Variants in TFR2 observed in about 807,000 individuals in gnomAD.
TFR2 encodes transferrin receptor protein 2.
In TFR2, 64 loss-of-function variants were observed where a neutral mutation model predicts 91.9. The ratio of observed to expected loss-of-function variants is 0.70; its 90% CI spans 0.57 to 0.86. TFR2 has a LOEUF of 0.86. TFR2 is among the 40% of genes least tolerant of loss of function. The pLI, the probability that TFR2 is intolerant of heterozygous loss-of-function variation, is 0.00. For missense variants in TFR2, 950 were observed against 1,080.5 expected (o/e 0.88, Z 1.69); for synonymous variants, 454 against 459.6 (o/e 0.99, Z 0.15).
rs1387160363 is a variant in TFR2 at position 100,631,927 on chromosome 7, C to T, written c.985G>A (p.Asp329Asn). Residue 329 changes from aspartate to asparagine, a missense_variant, in exon 8 of 18, where the codon GAC becomes AAC. Asp to Asn is a conservative substitution (Grantham distance 23). Coordinates refer to ENST00000223051, the MANE Select transcript of TFR2 (RefSeq NM_003227.4). ...VYGHVHLGTG[D>N]PYTPGFPSFN... The stretch of plus-strand genomic sequence containing the variant: ...GAAGGGAAGCCAGGTGTGTAGGGGT[C>T]TCCAGTTCCCAGGTGCACCTGCAGG... 2 of 1,613,816 alleles carry T rather than the reference C, an allele frequency of 1.2e-6. No homozygotes were observed. The highest frequency in any genetic ancestry group is 1.3e-5 in the African/African-American group (1 of 74,894).
intron 8 of TFR2, 185 bp downstream of exon 8, chr7:100,631,621 C>G: frequency 1.5e-6 from 1 of 683,142 alleles, no homozygotes; most frequent in South Asian, 2.3e-5. Flanking sequence ...AAGACTCCAT[C>G]TCAAAAAAAA....
At chr7:100,631,263 C>T (rs1266745576) in intron 8 of TFR2, among the ~76,000 whole-genome samples, 1 of 148,204 alleles carries the variant, frequency 6.7e-6, no homozygotes, top group South Asian at 2.1e-4. Context: ...AGTTGCCAGA[C>T]AGTAGACCCT....
In TFR2 at chr7:100,625,513, C is replaced by T. The variant is rs563093435; in HGVS notation, c.2136+1250G>A. ...AGAATGAACCATACCCAACCTATTGCCTCACCCCAGGGTCACCCCTGTTCC... is the reference window on the plus strand; with the variant it reads ...AGAATGAACCATACCCAACCTATTGTCTCACCCCAGGGTCACCCCTGTTCC... On this transcript the variant is annotated intron_variant, in intron 17 of 17. Coordinates refer to ENST00000223051, the MANE Select transcript of TFR2 (RefSeq NM_003227.4). Among the ~76,000 whole-genome samples the T allele has an allele frequency of 9.9e-5, 15 of 152,248 alleles. No individual in the cohort carries two copies. In the South Asian group the frequency reaches 2.7e-3, roughly 27 times the overall value.
intron 17 of TFR2, among the ~76,000 whole-genome samples, chr7:100,623,778 A>G (rs1486468547): frequency 1.3e-5 from 2 of 150,046 alleles, no homozygotes; most frequent in Non-Finnish European, 3.0e-5. Context: ...AGCCGGGCGC[A>G]GTAGCTCACG....
chr7:100,640,442 TCAGA>T lies in TFR2; in HGVS notation c.473+240_473+243del, dbSNP rs568788312. The T allele has an allele frequency of 3.5e-4, 202 of 571,272 alleles. 1 individual carries two copies. The highest frequency in any genetic ancestry group is 4.7e-5 in the Non-Finnish European group (15 of 319,736). The allele number at this position is 571,272 out of a possible 1,614,324, so 35.4% of individuals were successfully genotyped here. On this transcript the variant is annotated intron_variant, in intron 3 of 17. Transcript: ENST00000223051. ...TACTGGATGCTGCACCCCTCTGATCTCAGACAGTCAGCTCCCTCACCTCCCAAAT... is the reference window on the plus strand; with the variant it reads ...TACTGGATGCTGCACCCCTCTGATCTCAGTCAGCTCCCTCACCTCCCAAAT...
chr7:100,620,890 G>A lies in TFR2; in HGVS notation c.2373C>T (p.Ser791=), dbSNP rs752321424. 8 of 1,613,944 alleles carry A rather than the reference G, an allele frequency of 5.0e-6. No individual in the cohort carries two copies. Among genetic ancestry groups the A allele is most frequent in the East Asian group, 2.2e-5 (1 of 44,884 alleles). Residue 791 remains serine (S), a synonymous_variant, in exon 18 of 18, where the codon AGC becomes AGT. Transcript: ENST00000223051. ...WTLQGAANAL[S]GDVWNIDNNF ...TGTTATCAATGTTCCAGACATCCCC[G>A]CTAAGCGCATTGGCTGCCCCTTGCA...
intron 3 of TFR2, chr7:100,639,946 G>C (rs1318909172): frequency 6.6e-6 from 1 of 151,752 alleles, no homozygotes; most frequent in South Asian, 2.1e-4. Context: ...CACCATGCCC[G>C]GCTAATATTT....
intron 3 of TFR2, among the ~76,000 whole-genome samples, chr7:100,634,223 A>C (rs1172897981): frequency 2.1e-5 from 2 of 96,774 alleles, no homozygotes; most frequent in Admixed American, 1.3e-4. Flanking sequence ...CACACACAGC[A>C]CCCAAACACT....
intron 17 of TFR2, among the ~76,000 whole-genome samples, chr7:100,624,887 A>G (rs1803211666): frequency 6.6e-6 from 1 of 151,534 alleles, no homozygotes; most frequent in Admixed American, 6.6e-5. Context: ...AAAAAAACAA[A>G]AAAACAAGCG....
At chr7:100,629,473 A>C (rs1584457876) in intron 9 of TFR2, 101 bp from the exon 10 acceptor site, 3 of 1,589,296 alleles carry the variant, frequency 1.9e-6, no homozygotes, top group Non-Finnish European at 2.6e-6. Flanking sequence ...AATTCCGGCA[A>C]CCCTAGCCCT....
intron 8 of TFR2, 34 bp from the exon 9 acceptor site, chr7:100,631,086 T>C (rs1803419119): frequency 5.3e-6 from 8 of 1,513,788 alleles, no homozygotes; most frequent in East Asian, 2.3e-5. Flanking sequence ...GGGGAAGTTG[T>C]AGAGAGACCC....
At chr7:100,637,466 C>T (rs962183768) in intron 3 of TFR2, among the ~76,000 whole-genome samples, 2 of 151,566 alleles carry the variant, frequency 1.3e-5, no homozygotes, top group Non-Finnish European at 2.9e-5. Context: ...TGGTGGCTCA[C>T]GCCTGTAGTC....
chr7:100,627,613 AAAGGCCGTG>A lies in TFR2; in HGVS notation c.1722_1730del (p.Thr575_Phe577del). 3 of 1,614,154 alleles carry A rather than the reference AAAGGCCGTG, an allele frequency of 1.9e-6. No homozygotes were observed. The highest frequency in any genetic ancestry group is 2.5e-6 in the Non-Finnish European group (3 of 1,180,014). On this transcript the variant is annotated inframe_deletion, in exon 15 of 18. Coordinates refer to ENST00000223051, the MANE Select transcript of TFR2 (RefSeq NM_003227.4). Reference sequence around the variant, plus strand: ...AGAACTCGACGGCAGGGACTCCCACAAAGGCCGTGAAGGAATAGGCACTGCTGTCCATGG... The same window carrying A: ...AGAACTCGACGGCAGGGACTCCCACAAAGGAATAGGCACTGCTGTCCATGG...
rs1250749215 is a variant in TFR2, at chr7:100,627,955, G to C, written c.1557C>G (p.Ala519=). The C allele has an allele frequency of 1.2e-6, 2 of 1,613,874 alleles. No individual in the cohort carries two copies. Among genetic ancestry groups the C allele is most frequent in the Non-Finnish European group, 1.7e-6 (2 of 1,179,952 alleles). ...NAVLGDDKFH[A]KTSPLLTSLI... is the part of the protein sequence containing the mutation. ...GACTTGTCAGAAGGGGGCTGGTCTT[G>C]GCATGAAACTTGTCATCCCCTGGAA... Residue 519 remains alanine, a synonymous_variant, in exon 13 of 18, where the codon GCC becomes GCG. Transcript: ENST00000223051.
At chr7:100,634,429 A>T (rs1235275632) in intron 3 of TFR2, among the ~76,000 whole-genome samples, 2 of 152,018 alleles carry the variant, frequency 1.3e-5, no homozygotes, top group African/African-American at 4.8e-5. Flanking sequence ...ATTTTTAAAA[A>T]TTTTTTGTAG....
At chr7:100,626,499 T>C in intron 17 of TFR2, 1 of 1,341,982 alleles carries the variant, frequency 7.5e-7, no homozygotes, top group African/African-American at 1.5e-5. Context: ...GGGTGGATTG[T>C]CCCAGTTCTG....
chr7:100,625,555 G>C (rs1020628875), intron 17 of TFR2, among the ~76,000 whole-genome samples: 1 of 152,160 alleles, frequency 6.6e-6, no homozygotes, highest in Non-Finnish European at 1.5e-5. Context: ...GGAGGCAAAG[G>C]TTAAAGAAGA....
chr7:100,622,940 CAG>C (rs1337342651), intron 17 of TFR2, among the ~76,000 whole-genome samples: 2 of 145,988 alleles, frequency 1.4e-5, no homozygotes, highest in African/African-American at 2.6e-5. Context: ...GCCTGGGTGA[CAG>C]AGCAAGACTC....
intron 17 of TFR2, among the ~76,000 whole-genome samples, chr7:100,624,301 A>G (rs1047860771): frequency 3.3e-5 from 5 of 152,128 alleles, no homozygotes; most frequent in African/African-American, 1.2e-4. Flanking sequence ...GTAAAACCAG[A>G]CTGATTTCAC....
Sources: gnomAD v4.1 joint callset for allele counts (sites outside exome capture counted in the v4.1 genomes callset) on GRCh38, gnomAD v4.1.1 for gene constraint, MANE v1.5 for transcripts, NCBI Gene and HGNC (gene_info 2026-07-23, HGNC 2026-07-21) for gene names.